Variants in ROBO2 observed in about 807,000 individuals in gnomAD.
The protein encoded by ROBO2 is roundabout guidance receptor 2, also known as roundabout homolog 2.
Under a neutral mutation model 160.8 loss-of-function variants are expected in ROBO2, and 53 were observed. That is an observed-to-expected ratio of 0.33 (90% confidence interval 0.26 to 0.41). ROBO2 has a LOEUF of 0.41. Among genes scored for constraint, ROBO2 ranks in the 10% least tolerant of loss-of-function variants. ROBO2 has a pLI of 1.00. For missense variants in ROBO2, 1,577 were observed against 1,722.4 expected, an observed-to-expected ratio of 0.92 and a Z score of 1.49; for synonymous variants, 664 against 611.7, an observed-to-expected ratio of 1.09 and a Z score of -1.26.
intron 2 of ROBO2, among the ~76,000 whole-genome samples, chr3:77,108,205 C>CAT (rs72269110): frequency 9.9e-5 from 12 of 120,686 alleles, no homozygotes; most frequent in East Asian, 4.8e-4. Flanking sequence ...TACACATATG[C>CAT]ATATATATAT....
At chr3:77,058,408 G>C (rs2065967945) in intron 1 of ROBO2, among the ~76,000 whole-genome samples, 1 of 152,108 alleles carries the variant, frequency 6.6e-6, no homozygotes, top group African/African-American at 2.4e-5. Flanking sequence ...CACCTCTTCT[G>C]TAACTTTCCA....
exon 2 of ROBO2, chr3:75,937,544 G>T (rs79015247): frequency 3.8e-6 from 6 of 1,577,384 alleles, no homozygotes; most frequent in Middle Eastern, 3.3e-4. Flanking sequence ...CATGGGCTCC[G>T]GGACTGTTGA....
At chr3:76,047,745 G>A (rs1005557942) in intron 2 of ROBO2, among the ~76,000 whole-genome samples, 1 of 152,210 alleles carries the variant, frequency 6.6e-6, no homozygotes, top group African/African-American at 2.4e-5. Context: ...TGTCTGGAAA[G>A]CATGTACATT....
At chr3:75,916,991 A>G (rs935821783) in intron 1 of ROBO2, among the ~76,000 whole-genome samples, 15 of 39,646 alleles carry the variant, frequency 3.8e-4, no homozygotes, top group African/African-American at 9.7e-4. Context: ...CTATATATAT[A>G]TACACACACA....
Position 76,632,517 on chromosome 3 carries a change from A to G in ROBO2, c.110-465497A>G, listed in dbSNP as rs970302520. On this transcript the variant is annotated intron_variant, in intron 2 of 26. Transcript: ENST00000487694. Reference sequence around the variant, plus strand: ...GAGCACAATTCTTACCAAATGTCATAGTAGTAAAGTCATTAAATTTGTAAA... The same window carrying G: ...GAGCACAATTCTTACCAAATGTCATGGTAGTAAAGTCATTAAATTTGTAAA... Among the ~76,000 whole-genome samples, 10 of 152,340 alleles carry G rather than the reference A, an allele frequency of 6.6e-5. No individual in the cohort carries two copies. The East Asian group carries it at 1.7e-3, about 26-fold the overall frequency.
At chr3:77,395,644 G>T (rs2075202844) in intron 2 of ROBO2, among the ~76,000 whole-genome samples, 1 of 152,018 alleles carries the variant, frequency 6.6e-6, no homozygotes, top group Non-Finnish European at 1.5e-5. Flanking sequence ...AAATTGCACT[G>T]GATAAGTTCT....
At chr3:76,746,756 G>T (rs556735542) in intron 2 of ROBO2, among the ~76,000 whole-genome samples, 2 of 152,158 alleles carry the variant, frequency 1.3e-5, no homozygotes, top group African/African-American at 4.8e-5. Context: ...CATCACCTAG[G>T]TATTAAGCCC....
intron 2 of ROBO2, among the ~76,000 whole-genome samples, chr3:77,361,491 T>C (rs1374450264): frequency 2.6e-5 from 4 of 152,136 alleles, no homozygotes. Flanking sequence ...AGAAAGACCT[T>C]AGGCTGAGTA....
intron 2 of ROBO2, among the ~76,000 whole-genome samples, chr3:76,745,566 T>G (rs13067658): frequency 6.6e-6 from 1 of 151,740 alleles, no homozygotes; most frequent in African/African-American, 2.4e-5. Flanking sequence ...ATCCAAGTGA[T>G]CCCACCCAGT....
intron 2 of ROBO2, among the ~76,000 whole-genome samples, chr3:77,291,669 T>G: frequency 6.6e-6 from 1 of 151,436 alleles, no homozygotes; most frequent in Non-Finnish European, 1.5e-5. Context: ...AAAGTAAAAT[T>G]GATGGTTAAA....
intron 1 of ROBO2, among the ~76,000 whole-genome samples, chr3:77,097,591 T>G (rs768947906): frequency 6.6e-6 from 1 of 152,184 alleles, no homozygotes; most frequent in Non-Finnish European, 1.5e-5. Context: ...TGTGTTAGTC[T>G]GATAACATAT....
chr3:76,801,929 TAGGG>T (rs1346202492), intron 2 of ROBO2, among the ~76,000 whole-genome samples: 7 of 152,024 alleles, frequency 4.6e-5, no homozygotes, highest in Non-Finnish European at 1.0e-4. Context: ...TCTCAGGAAA[TAGGG>T]AGGTCTGAGG....
intron 2 of ROBO2, among the ~76,000 whole-genome samples, chr3:76,285,084 A>T (rs555439819): frequency 3.9e-5 from 6 of 152,210 alleles, no homozygotes; most frequent in Admixed American, 1.3e-4. Flanking sequence ...TTTAATGAGA[A>T]ATTATTTTGA....
chr3:76,188,753 A>G (rs1029944827), intron 2 of ROBO2, among the ~76,000 whole-genome samples: 5 of 152,170 alleles, frequency 3.3e-5, no homozygotes, highest in African/African-American at 9.6e-5. Context: ...TGTTTTGGTG[A>G]TAGTGGTTTC....
chr3:77,226,521 A>G (rs371591980), intron 2 of ROBO2, among the ~76,000 whole-genome samples: 17 of 152,194 alleles, frequency 1.1e-4, no homozygotes, highest in African/African-American at 2.2e-4. Context: ...CAGTATAAAG[A>G]TGAGCTGAAG....
intron 2 of ROBO2, among the ~76,000 whole-genome samples, chr3:77,209,348 A>T (rs1240653289): frequency 6.6e-6 from 1 of 152,220 alleles, no homozygotes; most frequent in Non-Finnish European, 1.5e-5. Context: ...GATTAGTGTC[A>T]CATAAAAACA....
chr3:77,375,764 C>T (rs1356850336), intron 2 of ROBO2, among the ~76,000 whole-genome samples: 1 of 151,014 alleles, frequency 6.6e-6, no homozygotes, highest in African/African-American at 2.4e-5. Context: ...CATTTGAGAA[C>T]CTTTGCATAG....
chr3:77,536,157 T>C lies in ROBO2; in HGVS notation c.935-10181T>C, dbSNP rs186173027. ...TGAGCAAGTTCATAGTCGAACTATA[T>C]TACTTGCCGGAGGCCTTCAAATACC... is the stretch of plus-strand genomic sequence containing the variant. On this transcript the variant is annotated intron_variant, in intron 6 of 25. Coordinates refer to ENST00000461745, the Ensembl canonical transcript of ROBO2. Among the ~76,000 whole-genome samples, 257 of 152,240 alleles carry C rather than the reference T, an allele frequency of 1.7e-3. 2 individuals are homozygous for C. Among genetic ancestry groups the C allele is most frequent in the Non-Finnish European group, 2.0e-3 (138 of 68,012 alleles).
intron 1 of ROBO2, among the ~76,000 whole-genome samples, chr3:77,066,760 G>C (rs1009521316): frequency 6.6e-6 from 1 of 152,012 alleles, no homozygotes; most frequent in African/African-American, 2.4e-5. Context: ...AATTTGTAGG[G>C]AATGATTGTT....
Sources: allele counts gnomAD v4.1 joint callset (sites outside exome capture counted in the v4.1 genomes callset), GRCh38; gene constraint gnomAD v4.1.1; transcripts MANE v1.5; gene names NCBI Gene and HGNC (gene_info 2026-07-23, HGNC 2026-07-21).